PTDSS2: variants seen among roughly 807,000 people sequenced by gnomAD.
The protein encoded by PTDSS2 is PSS-2.
A neutral mutation model predicts 64.7 loss-of-function variants in PTDSS2; 41 were observed. The observed-to-expected ratio is 0.63, with a 90% confidence interval of 0.49 to 0.82. The LOEUF is 0.82. Ranked by LOEUF, PTDSS2 falls within the 40% of genes least tolerant of loss-of-function variation. The probability of loss-of-function intolerance (pLI) is 0.00; values close to 1 mark genes in which losing one functional copy is unlikely to be tolerated. For missense variants in PTDSS2, 485 were observed against 650.0 expected, an observed-to-expected ratio of 0.75 and a Z score of 2.76; for synonymous variants, 297 against 277.8, an observed-to-expected ratio of 1.07 and a Z score of -0.69.
chr11:469,728 C>A (rs116475110), intron 2 of PTDSS2, among the ~76,000 whole-genome samples: 1,824 of 152,122 alleles, frequency 0.012, 47 homozygotes, highest in African/African-American at 0.042. Flanking sequence ...CACACCCAGG[C>A]CCAGATCCTG....
At chr11:475,165 TTG>T in intron 3 of PTDSS2, among the ~76,000 whole-genome samples, 1 of 88,456 alleles carries the variant, frequency 1.1e-5, no homozygotes, top group East Asian at 2.6e-4. Context: ...ATTCACGCGT[TTG>T]TGATACGGAC....
At chr11:487,540 T>G (rs1848449258) in intron 6 of PTDSS2, 70 bp downstream of exon 6, 12 of 1,432,534 alleles carry the variant, frequency 8.4e-6, no homozygotes, top group Non-Finnish European at 1.2e-5. Flanking sequence ...GGACCGTTTC[T>G]GTCCATGGAG....
At chr11:484,207 T>A (rs1309353056) in intron 4 of PTDSS2, among the ~76,000 whole-genome samples, 1 of 152,212 alleles carries the variant, frequency 6.6e-6, no homozygotes, top group Non-Finnish European at 1.5e-5. Flanking sequence ...AAAAGGAATT[T>A]CCACGTGGTT....
At chr11:481,489 G>A (rs947681792) in intron 4 of PTDSS2, among the ~76,000 whole-genome samples, 2 of 152,320 alleles carry the variant, frequency 1.3e-5, no homozygotes, top group African/African-American at 4.8e-5. Flanking sequence ...TTGAAGATGG[G>A]ATGGCTTTCC....
At chr11:471,839 G>C (rs1159551702) in intron 2 of PTDSS2, among the ~76,000 whole-genome samples, 1 of 138,196 alleles carries the variant, frequency 7.2e-6, no homozygotes, top group East Asian at 2.3e-4. Flanking sequence ...GCGGATGGTG[G>C]CCTGGGGTGA....
Position 488,206 on chromosome 11 carries a change from T to C in PTDSS2, c.629T>C (p.Met210Thr). Residue 210 changes from methionine (M) to threonine (T), a missense_variant, in exon 7 of 12, where the codon ATG becomes ACG. By Grantham distance (81) the Met-to-Thr change is moderately conservative. This residue lies in a region of PTDSS2 where 251 missense variants were observed against 348.0 expected (regional missense o/e 0.72). Transcript: ENST00000308020. ...TGACCCTGGCGCCCACAGACCCTGA[T>C]GATCCGAGACTGGTGGATGTGCATG... ...HFLGWYLKTL[M>T]IRDWWMCMII... 1.2e-6 allele frequency: 2 copies of C among 1,612,520 alleles called. No homozygotes were observed. Among genetic ancestry groups the C allele is most frequent in the Non-Finnish European group, 1.7e-6 (2 of 1,179,244 alleles).
intron 1 of PTDSS2, among the ~76,000 whole-genome samples, chr11:451,815 C>T (rs1302624089): frequency 2.0e-5 from 3 of 152,134 alleles, no homozygotes; most frequent in African/African-American, 7.2e-5. Context: ...GTGGAGGAGG[C>T]CCCACGCAGG....
intron 8 of PTDSS2, 46 bp downstream of exon 8, chr11:488,693 G>A (rs199663936): frequency 2.1e-6 from 3 of 1,414,538 alleles, no homozygotes; most frequent in South Asian, 1.1e-5. Context: ...GGGGTTACCT[G>A]GAGGCAGCCT....
At chr11:474,151 T>G (rs113483048) in intron 3 of PTDSS2, among the ~76,000 whole-genome samples, 174 bp downstream of exon 3, 3,896 of 152,248 alleles carry the variant, frequency 0.026, 165 homozygotes, top group African/African-American at 0.089. Flanking sequence ...GAGCTGGCCG[T>G]GTGCTCCTCC....
chr11:468,720 ATAATCAGAGAAGGAGGGGAGTCTCTGGG>A (rs1387489157), intron 2 of PTDSS2, among the ~76,000 whole-genome samples: 12 of 151,212 alleles, frequency 7.9e-5, no homozygotes, highest in Admixed American at 4.6e-4. Flanking sequence ...GAGTCTCTGG[ATAATCAGAGAAGGAGGGGAGTCTCTGGG>A]TAATCAGAGG....
chr11:469,621 G>T (rs1388938458), intron 2 of PTDSS2, among the ~76,000 whole-genome samples: 1 of 152,098 alleles, frequency 6.6e-6, no homozygotes, highest in Non-Finnish European at 1.5e-5. Context: ...GACAAAGATG[G>T]TTAAACAGTG....
chr11:489,919 G>T lies in PTDSS2; in HGVS notation c.1152G>T (p.Leu384=). Residue 384 remains leucine (L), a synonymous_variant, in exon 11 of 12, where the codon CTG becomes CTT. Coordinates refer to ENST00000308020, the MANE Select transcript of PTDSS2 (RefSeq NM_030783.3). ...PHKKLGPQAW[L]VAAITATELL... is the part of the protein sequence containing the mutation. ...AGAAGCTGGGCCCGCAGGCCTGGCT[G>T]GTGGCGGCCATCACGGCCACGGAGC... The T allele has an allele frequency of 6.2e-7, 1 of 1,603,602 alleles. No homozygotes were observed.
intron 6 of PTDSS2, 91 bp downstream of exon 6, chr11:487,561 G>T: frequency 8.0e-7 from 1 of 1,252,476 alleles, no homozygotes; most frequent in East Asian, 2.3e-5. Context: ...TTGAGCTCAG[G>T]GTGCTCTGAG....
Position 460,156 on chromosome 11 carries a change from G to A in PTDSS2, c.183-31G>A, listed in dbSNP as rs777223101. 37 of 1,578,334 alleles carry A rather than the reference G, an allele frequency of 2.3e-5. No individual in the cohort carries two copies. In the Admixed American group the frequency reaches 6.0e-4, roughly 26 times the overall value. On this transcript the variant is annotated intron_variant, in intron 1 of 11. Coordinates refer to ENST00000308020, the MANE Select transcript of PTDSS2 (RefSeq NM_030783.3). The surrounding 1 kb of genome is among the most constrained non-coding windows in gnomAD (Gnocchi z 5.8). ...TATTTAGCAATGCTGCCCAAGCTCT[G>A]ACACCATGCTTATGCGTTTTTGGAT...
chr11:465,874 C>A (rs1025172282), intron 2 of PTDSS2, among the ~76,000 whole-genome samples: 5 of 151,938 alleles, frequency 3.3e-5, no homozygotes, highest in Admixed American at 1.3e-4. Flanking sequence ...CCCAGGAGGT[C>A]TAGGCTGCAG....
Position 460,289 on chromosome 11 carries a change from G to A in PTDSS2, c.284+1G>A. On this transcript the variant is annotated splice_donor_variant, in intron 2 of 11. Coordinates refer to ENST00000308020, the MANE Select transcript of PTDSS2 (RefSeq NM_030783.3). LOFTEE classifies it high-confidence loss of function. The surrounding 1 kb of genome is among the most constrained non-coding windows in gnomAD (Gnocchi z 5.8). ...AGGACACGGCCTACAACACCAAGAGGTAAGCTGCCCTCTTGTCCTGCCTTC... is the reference window on the plus strand; with the variant it reads ...AGGACACGGCCTACAACACCAAGAGATAAGCTGCCCTCTTGTCCTGCCTTC... 1 of 1,612,898 alleles carries A rather than the reference G, an allele frequency of 6.2e-7. No homozygotes were observed. Among genetic ancestry groups the A allele is most frequent in the Non-Finnish European group, 8.5e-7 (1 of 1,178,898 alleles).
intron 4 of PTDSS2, among the ~76,000 whole-genome samples, chr11:481,340 T>C (rs1010987987): frequency 2.0e-5 from 3 of 152,192 alleles, no homozygotes; most frequent in Non-Finnish European, 2.9e-5. Context: ...CTGGGTCTCT[T>C]GCGTTTCCAA....
At position 460,286 on chromosome 11, in the gene PTDSS2, G is replaced by A; in HGVS notation, c.282G>A (p.Lys94=). 1 of 1,613,316 alleles carries A rather than the reference G, an allele frequency of 6.2e-7. No homozygotes were observed. ...CTCAGGACACGGCCTACAACACCAA[G>A]AGGTAAGCTGCCCTCTTGTCCTGCC... is the stretch of plus-strand genomic sequence containing the variant. ...ETPQDTAYNT[K]RGIVASILVF... is the part of the protein sequence containing the mutation. Residue 94 remains lysine (K), a splice_region_variant and synonymous_variant, in exon 2 of 12, where the codon AAG becomes AAA. Transcript: ENST00000308020. This position sits in a 1 kb window ranked among gnomAD's most constrained non-coding sequence, Gnocchi z 5.8.
chr11:468,373 C>G (rs1847238112), intron 2 of PTDSS2, among the ~76,000 whole-genome samples: 1 of 152,232 alleles, frequency 6.6e-6, no homozygotes, highest in South Asian at 2.1e-4. Flanking sequence ...CTCTGTGTGG[C>G]ACCATCCTGG....
Sources: gnomAD v4.1 joint callset for allele counts (sites outside exome capture counted in the v4.1 genomes callset) on GRCh38, gnomAD v4.1.1 for gene constraint, gnomAD v4.1.1 regional missense constraint, Gnocchi (gnomAD v3.1) non-coding constraint, MANE v1.5 for transcripts, NCBI Gene and HGNC (gene_info 2026-07-23, HGNC 2026-07-21) for gene names.